Variants in ZNF493 observed in about 807,000 individuals in gnomAD.
ZNF493 encodes the protein zinc finger protein 493.
In ZNF493, 11 loss-of-function variants were observed where a neutral mutation model predicts 12.2. The observed-to-expected ratio is 0.90, with a 90% CI of 0.57 to 1.50. The LOEUF (loss-of-function observed/expected upper bound fraction) is 1.50, where lower values mean the gene tolerates loss of function less well. Ranked by LOEUF, ZNF493 falls within the 40% of genes most tolerant of loss-of-function variation. ZNF493 has a pLI of 0.00. For missense variants in ZNF493, 950 were observed against 906.6 expected (o/e 1.05, Z -0.61); for synonymous variants, 286 against 302.6 (o/e 0.95, Z 0.57).
chr19:21,405,983 G>A, intron 3 of ZNF493, 127 bp downstream of exon 3: 1 of 602,140 alleles, frequency 1.7e-6, no homozygotes, highest in East Asian at 3.3e-5. Flanking sequence ...GACTTTGGGA[G>A]GCCAAGGCAG....
chr19:21,426,755 T>A lies in ZNF493; in HGVS notation c.*1771T>A, dbSNP rs1354254891. 6.0e-6 allele frequency: 1 copy of A among 166,938 alleles called. No homozygotes were observed. Among genetic ancestry groups the A allele is most frequent in the African/African-American group, 2.4e-5 (1 of 41,440 alleles). The allele number at this position is 166,938 out of a possible 1,614,324, so 10.3% of individuals were successfully genotyped here. A position where few individuals can be genotyped will look rare whatever the true frequency, so the allele number is the denominator to read the frequency against. ...AAGGTGTAGTAAAAATAAAAAAAAT[T>A]TTAATCCAAATTTGTCTATGTAAAT... On this transcript the variant is annotated 3_prime_UTR_variant, in exon 4 of 4. Coordinates refer to ENST00000392288, the MANE Select transcript of ZNF493 (RefSeq NM_001076678.3).
intron 3 of ZNF493, chr19:21,412,083 C>A (rs1004345259): frequency 2.6e-5 from 4 of 152,076 alleles, no homozygotes. Flanking sequence ...ATTAAAGACA[C>A]ACACACACAG....
At chr19:21,409,061 T>C (rs1452443819) in intron 3 of ZNF493, among the ~76,000 whole-genome samples, 1 of 151,960 alleles carries the variant, frequency 6.6e-6, no homozygotes, top group African/African-American at 2.4e-5. Flanking sequence ...ATTTTTTGTA[T>C]TTTTAGCAGA....
In ZNF493 at chr19:21,425,191, G is replaced by A. The variant is rs1054737358; in HGVS notation, c.*207G>A. 3.4e-5 allele frequency: 23 copies of A among 671,488 alleles called. No homozygotes were observed. The highest frequency in any genetic ancestry group is 5.5e-5 in the Non-Finnish European group (21 of 383,450). 41.6% of individuals were successfully genotyped at this position (671,488 alleles called of 1,614,324 possible). ...CATATTGGAGAGAAATTCTACAGATGTGAAGAATGTGGCAAAGGCTTTAAT... is the reference window on the plus strand; with the variant it reads ...CATATTGGAGAGAAATTCTACAGATATGAAGAATGTGGCAAAGGCTTTAAT... On this transcript the variant is annotated 3_prime_UTR_variant, in exon 4 of 4. Coordinates refer to ENST00000392288, the MANE Select transcript of ZNF493 (RefSeq NM_001076678.3).
rs1343004280 is a variant in ZNF493 at position 21,424,677 on chromosome 19, C to A, written c.2018C>A (p.Thr673Asn). ...GCCTTTAGTATATTCTCAACCCTTA[C>A]TAAACATAAGATAATTCATACTGAA... ...GKAFSIFSTLTKHKIIHTEEK... is the reference protein window; with the variant it reads ...GKAFSIFSTLNKHKIIHTEEK... Residue 673 changes from threonine (T) to asparagine (N), a missense_variant, in exon 4 of 4, where the codon ACT becomes AAT. Coordinates refer to ENST00000392288, the MANE Select transcript of ZNF493 (RefSeq NM_001076678.3). 6.2e-7 allele frequency: 1 copy of A among 1,613,172 alleles called. No individual in the cohort carries two copies. The highest frequency in any genetic ancestry group is 2.2e-5 in the East Asian group (1 of 44,842).
At chr19:21,399,033 G>C (rs1220551775) in intron 1 of ZNF493, 2 of 153,678 alleles carry the variant, frequency 1.3e-5, no homozygotes, top group Non-Finnish European at 2.9e-5. Context: ...AAATACTGCA[G>C]TGTCTCCTGA....
At position 21,425,690 on chromosome 19, in the gene ZNF493, C is replaced by G. The variant is rs879787418; in HGVS notation, c.*706C>G. The G allele has an allele frequency of 2.6e-6, 2 of 760,838 alleles. No homozygotes were observed. Among genetic ancestry groups the G allele is most frequent in the Non-Finnish European group, 4.4e-6 (2 of 456,576 alleles). 47.1% of individuals were successfully genotyped at this position (760,838 alleles called of 1,614,324 possible). ...TAATTCATGCTGGAGAGAAACCCTA[C>G]AAATGTGAAAAATGTGGCAAAGCTT... is the stretch of plus-strand genomic sequence containing the variant. On this transcript the variant is annotated 3_prime_UTR_variant, in exon 4 of 4. Transcript: ENST00000392288.
rs751914247 is a variant in ZNF493 at position 21,423,290 on chromosome 19, C to G, written c.631C>G (p.Arg211Gly). The stretch of plus-strand genomic sequence containing the variant: ...AATTCATATTAGAGAGAATTCTTAC[C>G]GATGTGAAGAATGTGGCAAAGCCTT... ...KRIHIRENSY[R>G]CEECGKAFIW... The change falls in exon 4 of 4, where the codon CGA becomes GGA. Residue 211 changes from arginine (R) to glycine (G), a missense_variant. Transcript: ENST00000392288. 6.2e-7 allele frequency: 1 copy of G among 1,613,704 alleles called. No homozygotes were observed.
In ZNF493 at chr19:21,424,494, G is replaced by T. The variant is rs767277256; in HGVS notation, c.1835G>T (p.Arg612Leu). 1 of 1,608,066 alleles carries T rather than the reference G, an allele frequency of 6.2e-7. No homozygotes were observed. Among genetic ancestry groups the T allele is most frequent in the African/African-American group, 1.4e-5 (1 of 73,638 alleles). The change falls in exon 4 of 4, where the codon CGA (arginine) becomes CTA (leucine). Residue 612 changes from arginine (R) to leucine (L), a missense_variant. By Grantham distance (102) the Arg-to-Leu change is moderately radical. Coordinates refer to ENST00000392288, the MANE Select transcript of ZNF493 (RefSeq NM_001076678.3). Reference protein sequence around the residue: ...KCEECGKAFNRSSILSIHKKI... With the variant: ...KCEECGKAFNLSSILSIHKKI... ...GAAGAATGTGGCAAAGCTTTTAACC[G>T]ATCTTCAATCCTTAGTATACATAAG...
In ZNF493 at chr19:21,426,994, G is replaced by A. The variant is rs568552856; in HGVS notation, c.*2010G>A. On this transcript the variant is annotated 3_prime_UTR_variant, in exon 4 of 4. Transcript: ENST00000392288. ...ACAGATTTTTTGAAAAGCAAATGAT[G>A]TAACTCAACTCATTATTTTCTGCTG... 1 of 167,088 alleles carries A rather than the reference G, an allele frequency of 6.0e-6. No individual in the cohort carries two copies. The highest frequency in any genetic ancestry group is 1.9e-4 in the East Asian group (1 of 5,178). The allele number at this position is 167,088 out of a possible 1,614,324, so 10.4% of individuals were successfully genotyped here.
chr19:21,420,164 A>G (rs2030612985), intron 3 of ZNF493, among the ~76,000 whole-genome samples: 1 of 152,186 alleles, frequency 6.6e-6, no homozygotes, highest in Admixed American at 6.5e-5. Flanking sequence ...CCTCCTGATT[A>G]TAATCTCTTC....
At chr19:21,401,947 CTTATTTATTTATTTCATT>C (rs2029959524) in intron 1 of ZNF493, among the ~76,000 whole-genome samples, 4 of 148,988 alleles carry the variant, frequency 2.7e-5, no homozygotes, top group Admixed American at 1.3e-4. Flanking sequence ...TATTTATCTA[CTTATTTATTTATTTCATT>C]TTATTTATTT....
At chr19:21,410,704 A>G (rs950536599) in intron 3 of ZNF493, among the ~76,000 whole-genome samples, 5 of 152,078 alleles carry the variant, frequency 3.3e-5, no homozygotes, top group Non-Finnish European at 1.5e-5. Context: ...ATTTAATATC[A>G]TATCTAAGAA....
intron 1 of ZNF493, among the ~76,000 whole-genome samples, chr19:21,402,293 A>G (rs988058331): frequency 2.6e-5 from 4 of 152,086 alleles, no homozygotes; most frequent in African/African-American, 4.8e-5. Flanking sequence ...TACTAATTCA[A>G]TTTTGGAGCT....
chr19:21,401,346 G>T lies in ZNF493; in HGVS notation c.31-3783G>T, dbSNP rs114237648. Reference sequence around the variant, plus strand: ...AGCTTTTTGATGTTCTCCTGGATTTGGTTTTCCAGTATTTTCTTGAGGATA... The same window carrying T: ...AGCTTTTTGATGTTCTCCTGGATTTTGTTTTCCAGTATTTTCTTGAGGATA... On this transcript the variant is annotated intron_variant, in intron 1 of 3. Coordinates refer to ENST00000392288, the MANE Select transcript of ZNF493 (RefSeq NM_001076678.3). Among the ~76,000 whole-genome samples the T allele has an allele frequency of 9.2e-3, 1,398 of 152,068 alleles. 27 individuals carry two copies. The highest frequency in any genetic ancestry group is 0.031 in the African/African-American group (1,294 of 41,486).
At chr19:21,397,909 A>G (rs1028062076) in intron 1 of ZNF493, 1 of 152,680 alleles carries the variant, frequency 6.5e-6, no homozygotes, top group Admixed American at 6.5e-5. Context: ...TTGGCAGTTT[A>G]CAGTTGCTGA....
In ZNF493 at chr19:21,415,947, A is replaced by G. The variant is rs559774353; in HGVS notation, c.254-6966A>G. 5.6e-4 allele frequency among the ~76,000 whole-genome samples: 86 copies of G among 152,320 alleles called. 1 individual carries two copies. Among genetic ancestry groups the G allele is most frequent in the African/African-American group, 2.0e-3 (82 of 41,582 alleles). On this transcript the variant is annotated intron_variant, in intron 3 of 3. Coordinates refer to ENST00000392288, the MANE Select transcript of ZNF493 (RefSeq NM_001076678.3). ...TTGTATAACTGAATTGATGGCTCTT[A>G]AGTCAGTTAACATTCTCCATTTACC...
At position 21,424,470 on chromosome 19, in the gene ZNF493, A is replaced by G. The variant is rs2030792997; in HGVS notation, c.1811A>G (p.Glu604Gly). ...IHTDKKPYKC[E>G]ECGKAFNRSS... ...ACTGATAAGAAACCCTACAAATGTG[A>G]AGAATGTGGCAAAGCTTTTAACCGA... Residue 604 changes from glutamate to glycine, a missense_variant, in exon 4 of 4, where the codon GAA (glutamate) becomes GGA (glycine). Coordinates refer to ENST00000392288, the MANE Select transcript of ZNF493 (RefSeq NM_001076678.3). 6.2e-7 allele frequency: 1 copy of G among 1,613,394 alleles called. No individual in the cohort carries two copies. The highest frequency in any genetic ancestry group is 1.1e-5 in the South Asian group (1 of 91,004).
intron 3 of ZNF493, among the ~76,000 whole-genome samples, chr19:21,417,756 C>G (rs12151067): frequency 0.19 from 28,423 of 151,982 alleles, 2,919 homozygotes; most frequent in Non-Finnish European, 0.24. Context: ...CTGGGTATTG[C>G]GAGCAGCCTG....
Sources: gnomAD v4.1 joint callset for allele counts (sites outside exome capture counted in the v4.1 genomes callset) on GRCh38, gnomAD v4.1.1 for gene constraint, MANE v1.5 for transcripts, NCBI Gene and HGNC (gene_info 2026-07-23, HGNC 2026-07-21) for gene names.